The following HPD variants were observed in gnomAD, a reference collection of about 807,000 sequenced individuals.
HPD encodes the protein 4-hydroxyphenylpyruvate dioxygenase.
In HPD, 35 loss-of-function variants were observed where a neutral mutation model predicts 56.9. The ratio of observed to expected loss-of-function variants is 0.62; its 90% CI spans 0.47 to 0.82. HPD has a LOEUF of 0.82. Ranked by LOEUF, HPD falls within the 40% of genes least tolerant of loss-of-function variation. The probability of loss-of-function intolerance (pLI) is 0.00; values close to 1 mark genes in which losing one functional copy is unlikely to be tolerated. For synonymous variants in HPD, 186 were observed against 200.2 expected (o/e 0.93, Z 0.60); for missense variants, 442 against 506.8 (o/e 0.87, Z 1.23).
upstream of HPD, among the ~76,000 whole-genome samples, chr12:121,868,404 C>T (rs952818761): frequency 1.3e-5 from 2 of 152,074 alleles, no homozygotes; most frequent in East Asian, 1.9e-4. Context: ...AGTGCAGTGG[C>T]GCGATCTCGG....
chr12:121,856,204 C>T, intron 6 of HPD, 120 bp downstream of exon 6: 1 of 797,910 alleles, frequency 1.3e-6, no homozygotes, highest in Non-Finnish European at 2.2e-6. Flanking sequence ...GAGCTTGTCA[C>T]TGTGATGTGG....
upstream of HPD, among the ~76,000 whole-genome samples, chr12:121,866,484 G>C (rs1878332987): frequency 6.6e-6 from 1 of 151,022 alleles, no homozygotes. Context: ...CAGTTTATTT[G>C]AATTTTCCAC....
At chr12:121,866,655 G>A (rs1317674514), upstream of HPD, among the ~76,000 whole-genome samples, 1 of 151,710 alleles carries the variant, frequency 6.6e-6, no homozygotes, top group Non-Finnish European at 1.5e-5. Flanking sequence ...TGGCCTTTCT[G>A]GTTCTGCAGC....
At chr12:121,843,137 A>G (rs958587344) in intron 12 of HPD, among the ~76,000 whole-genome samples, 3 of 152,348 alleles carry the variant, frequency 2.0e-5, no homozygotes, top group South Asian at 2.1e-4. Flanking sequence ...GTTATGTGAC[A>G]TATGTCAATA....
At chr12:121,884,992 G>T in the HPD span, among the ~76,000 whole-genome samples, 1 of 152,026 alleles carries the variant, frequency 6.6e-6, no homozygotes. Context: ...AGGTTCAAGC[G>T]ATTCTCTCCT....
intron 6 of HPD, 33 bp from the exon 7 acceptor site, chr12:121,854,825 G>A: frequency 6.5e-7 from 1 of 1,541,650 alleles, no homozygotes; most frequent in South Asian, 1.1e-5. Flanking sequence ...GAATTGGTGA[G>A]GGCTGGAGCC....
chr12:121,855,153 GC>G (rs1324912304), intron 6 of HPD, among the ~76,000 whole-genome samples: 1 of 152,170 alleles, frequency 6.6e-6, no homozygotes, highest in African/African-American at 2.4e-5. Flanking sequence ...CATTTATTTA[GC>G]AAAACTGGAC....
intron 7 of HPD, among the ~76,000 whole-genome samples, chr12:121,851,006 G>A (rs1419344525): frequency 6.6e-6 from 1 of 151,980 alleles, no homozygotes; most frequent in Non-Finnish European, 1.5e-5. Context: ...TGGGATTACA[G>A]GCATGCACCA....
At chr12:121,849,931 TCTC>T (rs1877710984) in intron 7 of HPD, 141 bp from the exon 8 acceptor site, 15 of 685,592 alleles carry the variant, frequency 2.2e-5, no homozygotes, top group South Asian at 1.7e-4. Context: ...GTAAGTCACT[TCTC>T]CTTTCTGAAA....
chr12:121,856,944 G>A (rs1878023533), intron 4 of HPD: 2 of 515,520 alleles, frequency 3.9e-6, no homozygotes, highest in Admixed American at 3.2e-5. Flanking sequence ...CACCTGTGGG[G>A]TCAGTGTTGG....
intron 7 of HPD, 161 bp from the exon 8 acceptor site, chr12:121,849,951 G>T: frequency 1.5e-6 from 1 of 664,418 alleles, no homozygotes; most frequent in Non-Finnish European, 2.8e-6. Flanking sequence ...GAAATGAATT[G>T]CAATCTGTCA....
the HPD span, among the ~76,000 whole-genome samples, chr12:121,884,171 CTTTTTT>C: frequency 1.6e-5 from 2 of 124,168 alleles, no homozygotes; most frequent in Non-Finnish European, 1.7e-5. Flanking sequence ...CTTTTCCTCT[CTTTTTT>C]TTTTTTTTTT....
upstream of HPD, among the ~76,000 whole-genome samples, chr12:121,859,352 C>A (rs1799548556): frequency 6.6e-6 from 1 of 152,138 alleles, no homozygotes; most frequent in South Asian, 2.1e-4. Flanking sequence ...CCCTTTGAGC[C>A]TCATTTGTAA....
chr12:121,872,257 A>T, the HPD span, among the ~76,000 whole-genome samples: 4 of 141,152 alleles, frequency 2.8e-5, no homozygotes, highest in African/African-American at 1.0e-4. Context: ...AAAGAGATGG[A>T]GTCTTGCTCT....
upstream of HPD, among the ~76,000 whole-genome samples, chr12:121,861,681 G>A (rs1018727845): frequency 2.0e-5 from 3 of 152,094 alleles, no homozygotes; most frequent in African/African-American, 7.2e-5. Flanking sequence ...TTGCTAATGA[G>A]CCCTTGTGAA....
At position 121,857,781 on chromosome 12, in the gene HPD, GGTCACAGAGTGGAA is replaced by G; in HGVS notation, c.55_68del (p.Phe19LeufsTer20). On this transcript the variant is annotated frameshift_variant, in exon 3 of 14. Transcript: ENST00000289004. LOFTEE classifies it high-confidence loss of function. ...CCTGCTTGGCGTTGCCAACCCAGAA[GGTCACAGAGTGGAA>G]GTGGAGGAATCGGCCTCTCTCAGGC... 1.2e-6 allele frequency: 2 copies of G among 1,614,020 alleles called. No homozygotes were observed. The highest frequency in any genetic ancestry group is 1.7e-6 in the Non-Finnish European group (2 of 1,179,934).
chr12:121,855,393 C>T (rs1242364888), intron 6 of HPD, among the ~76,000 whole-genome samples: 1 of 152,170 alleles, frequency 6.6e-6, no homozygotes, highest in African/African-American at 2.4e-5. Flanking sequence ...CTGTTGGGTA[C>T]AGTGTTTGGT....
At chr12:121,884,844 A>C in the HPD span, among the ~76,000 whole-genome samples, 1 of 152,144 alleles carries the variant, frequency 6.6e-6, no homozygotes, top group African/African-American at 2.4e-5. Flanking sequence ...CCAATTATTA[A>C]CATTTTGCCG....
intron 8 of HPD, 26 bp from the exon 9 acceptor site, chr12:121,849,102 A>C (rs1252768235): frequency 4.0e-6 from 6 of 1,514,206 alleles, no homozygotes; most frequent in Non-Finnish European, 5.5e-6. Context: ...GATGGGGGTG[A>C]GAAGGTGGCT....
Sources: allele counts gnomAD v4.1 joint callset (sites outside exome capture counted in the v4.1 genomes callset), GRCh38; gene constraint gnomAD v4.1.1; transcripts MANE v1.5; gene names NCBI Gene and HGNC (gene_info 2026-07-23, HGNC 2026-07-21).